TRIO: variants seen among roughly 807,000 people sequenced by gnomAD.
The protein encoded by TRIO is triple functional domain protein.
In TRIO, 58 loss-of-function variants were observed where a neutral mutation model predicts 351.9. That is an observed-to-expected ratio of 0.16 (90% CI 0.13 to 0.21). The LOEUF (loss-of-function observed/expected upper bound fraction) is 0.21. Ranked by LOEUF, TRIO falls within the 10% of genes least tolerant of loss-of-function variation. The pLI is 1.00. For synonymous variants in TRIO, 1,758 were observed against 1,595.7 expected (o/e 1.10, Z -2.42); for missense variants, 3,201 against 4,027.8 (o/e 0.79, Z 5.56).
chr5:14,270,067 T>C (rs1795896243), intron 1 of TRIO, among the ~76,000 whole-genome samples: 1 of 152,210 alleles, frequency 6.6e-6, no homozygotes, highest in Non-Finnish European at 1.5e-5. Flanking sequence ...GGGCTAGATA[T>C]TTTTGGGCTG....
chr5:14,421,224 T>A (rs1236649215), intron 34 of TRIO, among the ~76,000 whole-genome samples: 3 of 119,806 alleles, frequency 2.5e-5, no homozygotes, highest in African/African-American at 1.4e-4. Flanking sequence ...TAATTATTTA[T>A]TTATTTATTT....
chr5:14,436,075 C>T (rs1324119394), intron 34 of TRIO, among the ~76,000 whole-genome samples: 1 of 152,224 alleles, frequency 6.6e-6, no homozygotes, highest in East Asian at 1.9e-4. Flanking sequence ...CCATCCTCCC[C>T]TGCCCCCATC....
At chr5:14,373,328 C>T (rs16903428) in intron 18 of TRIO, among the ~76,000 whole-genome samples, 14,426 of 152,230 alleles carry the variant, frequency 0.095, 1,050 homozygotes, top group African/African-American at 0.21. Context: ...GGTAGCCTCG[C>T]TCCATCTACT....
chr5:14,209,832 A>G lies in TRIO; in HGVS notation c.158-60993A>G, dbSNP rs1483538005. On this transcript the variant is annotated intron_variant, in intron 1 of 56. Transcript: ENST00000344204. ...TTTTTAAATTGTCAGGAGATTTTTT[A>G]TCAGACTCAGATCTTCTGGTGAGAG... Among the ~76,000 whole-genome samples, 3 of 152,266 alleles carry G rather than the reference A, an allele frequency of 2.0e-5. No individual in the cohort carries two copies. In the East Asian group the frequency reaches 5.8e-4, roughly 29 times the overall value.
At chr5:14,246,257 T>C (rs6554848) in intron 1 of TRIO, among the ~76,000 whole-genome samples, 99,865 of 152,144 alleles carry the variant, frequency 0.66, 33,907 homozygotes, top group East Asian at 0.96. Context: ...ACTTCATTTT[T>C]CTTAAATTTA....
chr5:14,366,227 TTATATA>T (rs1744578924), intron 15 of TRIO, among the ~76,000 whole-genome samples: 1 of 151,922 alleles, frequency 6.6e-6, no homozygotes, highest in Non-Finnish European at 1.5e-5. Context: ...GCAATAGGTA[TTATATA>T]GGTTACTTGA....
intron 1 of TRIO, among the ~76,000 whole-genome samples, chr5:14,240,932 A>G (rs943267120): frequency 2.6e-5 from 4 of 152,124 alleles, no homozygotes; most frequent in Non-Finnish European, 4.4e-5. Context: ...GTTTTACATT[A>G]TTTTCTTTTG....
chr5:14,474,235 A>T, intron 40 of TRIO, 138 bp downstream of exon 40: 1 of 707,056 alleles, frequency 1.4e-6, no homozygotes. Context: ...TGCAAAGGAG[A>T]TATTGATGTA....
At chr5:14,201,577 T>A (rs1208967149) in intron 1 of TRIO, among the ~76,000 whole-genome samples, 1 of 152,186 alleles carries the variant, frequency 6.6e-6, no homozygotes, top group Admixed American at 6.5e-5. Context: ...ACAGAAACTT[T>A]CCTGGTGGGT....
chr5:14,227,217 A>T (rs1383899912), intron 1 of TRIO, among the ~76,000 whole-genome samples: 1 of 152,212 alleles, frequency 6.6e-6, no homozygotes, highest in Non-Finnish European at 1.5e-5. Context: ...CAGGAAGTGC[A>T]CAGATGCCAG....
At chr5:14,344,060 A>G (rs1281759505) in intron 11 of TRIO, among the ~76,000 whole-genome samples, 2 of 152,236 alleles carry the variant, frequency 1.3e-5, no homozygotes, top group Non-Finnish European at 2.9e-5. Context: ...TGCGCTCTTT[A>G]GTGCATTAAA....
At chr5:14,192,945 A>G (rs1790545085) in intron 1 of TRIO, among the ~76,000 whole-genome samples, 1 of 152,218 alleles carries the variant, frequency 6.6e-6, no homozygotes, top group Non-Finnish European at 1.5e-5. Flanking sequence ...AATGCCATAT[A>G]TGGCATTGTT....
At chr5:14,504,676 A>T in intron 55 of TRIO, 83 bp downstream of exon 55, 1 of 1,500,392 alleles carries the variant, frequency 6.7e-7, no homozygotes, top group Non-Finnish European at 9.0e-7. Context: ...GTTCTCTAAG[A>T]AGGATAGAAA....
At chr5:14,329,554 A>G (rs1223492675) in intron 9 of TRIO, among the ~76,000 whole-genome samples, 1 of 152,154 alleles carries the variant, frequency 6.6e-6, no homozygotes, top group Non-Finnish European at 1.5e-5. Flanking sequence ...GAAGCCCTAC[A>G]TTTCTGTTGT....
At position 14,406,023 on chromosome 5, in the gene TRIO, A is replaced by C. The variant is rs747826910; in HGVS notation, c.4859+33A>C. ...TCTGGGCGCCACTGGAGGTTTGTGG[A>C]TGTGGGAGGGAGGGGCGAGGCGGTG... On this transcript the variant is annotated intron_variant, in intron 32 of 56. Coordinates refer to ENST00000344204, the MANE Select transcript of TRIO (RefSeq NM_007118.4). The C allele has an allele frequency of 2.5e-6, 4 of 1,602,972 alleles. No individual in the cohort carries two copies. In the South Asian group the frequency reaches 4.4e-5, roughly 18 times the overall value.
intron 1 of TRIO, among the ~76,000 whole-genome samples, chr5:14,226,679 C>T (rs1370110617): frequency 6.6e-6 from 1 of 152,220 alleles, no homozygotes; most frequent in Non-Finnish European, 1.5e-5. Context: ...GTCCCTGAAG[C>T]TTGGTGAAGC....
chr5:14,292,565 T>G (rs1255918067), intron 5 of TRIO, among the ~76,000 whole-genome samples: 1 of 152,198 alleles, frequency 6.6e-6, no homozygotes, highest in East Asian at 1.9e-4. Flanking sequence ...GTGGAATCTT[T>G]TAGTCATTGA....
chr5:14,471,731 G>A (rs1018558833), intron 38 of TRIO, among the ~76,000 whole-genome samples: 5 of 152,162 alleles, frequency 3.3e-5, no homozygotes, highest in African/African-American at 9.7e-5. Context: ...CATGTGGTGA[G>A]AAACTCCTAG....
intron 48 of TRIO, chr5:14,488,779 A>T: frequency 5.0e-6 from 3 of 595,340 alleles, no homozygotes; most frequent in Non-Finnish European, 9.0e-6. Flanking sequence ...ACTAAGATGA[A>T]AAAATGGGGG....
Sources: allele counts gnomAD v4.1 joint callset (sites outside exome capture counted in the v4.1 genomes callset), GRCh38; gene constraint gnomAD v4.1.1; transcripts MANE v1.5; gene names NCBI Gene and HGNC (gene_info 2026-07-23, HGNC 2026-07-21).